Variants in CDC42BPA observed in about 807,000 individuals in gnomAD.
CDC42BPA encodes the protein serine/threonine-protein kinase MRCK alpha.
CDC42BPA carries 80 observed loss-of-function variants against 223.5 expected under a neutral mutation model. The observed-to-expected ratio is 0.36, with a 90% CI of 0.30 to 0.43. The LOEUF (loss-of-function observed/expected upper bound fraction) is 0.43. Ranked by LOEUF, CDC42BPA falls within the 20% of genes least tolerant of loss-of-function variation. CDC42BPA has a pLI of 1.00. For synonymous variants in CDC42BPA, 694 were observed against 718.6 expected (o/e 0.97, Z 0.55); for missense variants, 1,743 against 2,099.9 (o/e 0.83, Z 3.32).
At chr1:227,087,934 G>A (rs905282528) in intron 16 of CDC42BPA, among the ~76,000 whole-genome samples, 1 of 151,844 alleles carries the variant, frequency 6.6e-6, no homozygotes, top group Non-Finnish European at 1.5e-5. Context: ...ATTTTTTATA[G>A]CCCTTCCACA....
chr1:227,289,728 G>A (rs1462200440), intron 1 of CDC42BPA, among the ~76,000 whole-genome samples: 1 of 151,936 alleles, frequency 6.6e-6, no homozygotes, highest in Admixed American at 6.6e-5. Context: ...ACTGTATCAT[G>A]GCAAAAAACA....
rs537047381 is a variant in CDC42BPA, at chr1:227,133,264, C to A, written c.1391-4033G>T. Among the ~76,000 whole-genome samples the A allele has an allele frequency of 3.3e-5, 5 of 151,444 alleles. 1 individual carries two copies. In the South Asian group the frequency reaches 1.0e-3, roughly 32 times the overall value. On this transcript the variant is annotated intron_variant, in intron 10 of 36. Transcript: ENST00000366766. ...GCTGCCCCGTCTGGGAGGTGAGGGGCGCCTCTGCCCGGCCGCCCCTACTGG... is the reference window on the plus strand; with the variant it reads ...GCTGCCCCGTCTGGGAGGTGAGGGGAGCCTCTGCCCGGCCGCCCCTACTGG...
chr1:227,252,566 G>A (rs2813981), intron 2 of CDC42BPA, among the ~76,000 whole-genome samples: 23,988 of 152,022 alleles, frequency 0.16, 2,176 homozygotes, highest in East Asian at 0.37. Context: ...ACCAAAATCT[G>A]ATCAGAACAT....
At chr1:227,099,264 T>C (rs1684561664) in intron 15 of CDC42BPA, among the ~76,000 whole-genome samples, 1 of 151,978 alleles carries the variant, frequency 6.6e-6, no homozygotes. Context: ...AAGTTAACTG[T>C]AAAACAACCT....
At chr1:227,300,204 T>G (rs79087156) in intron 1 of CDC42BPA, among the ~76,000 whole-genome samples, 2 of 152,208 alleles carry the variant, frequency 1.3e-5, no homozygotes, top group Non-Finnish European at 2.9e-5. Context: ...CGAACACTTA[T>G]AGACTGCTAC....
intron 1 of CDC42BPA, among the ~76,000 whole-genome samples, chr1:227,287,636 GC>G (rs1689020366): frequency 6.6e-6 from 1 of 152,004 alleles, no homozygotes; most frequent in Non-Finnish European, 1.5e-5. Flanking sequence ...TATGTGCTAG[GC>G]AGAGGCTAGG....
At chr1:227,151,875 T>G (rs572425055) in intron 6 of CDC42BPA, among the ~76,000 whole-genome samples, 10 of 91,408 alleles carry the variant, frequency 1.1e-4, no homozygotes, top group African/African-American at 4.0e-4. Context: ...CATAACCCAG[T>G]CTCTACAAAA....
intron 1 of CDC42BPA, among the ~76,000 whole-genome samples, chr1:227,280,345 G>C (rs1687809686): frequency 6.6e-6 from 1 of 151,888 alleles, no homozygotes; most frequent in African/African-American, 2.4e-5. Context: ...TTCTCAAACA[G>C]TCCCTTTTGT....
chr1:227,094,715 G>GTTTA (rs1222796494), intron 15 of CDC42BPA, among the ~76,000 whole-genome samples: 1 of 152,196 alleles, frequency 6.6e-6, no homozygotes. Flanking sequence ...AGGATTTGTG[G>GTTTA]TTTAATGTGT....
intron 12 of CDC42BPA, among the ~76,000 whole-genome samples, chr1:227,114,750 TC>T (rs1408795502): frequency 6.6e-6 from 1 of 152,136 alleles, no homozygotes; most frequent in Admixed American, 6.6e-5. Context: ...CTGGAGCATT[TC>T]AGATTTTGGA....
chr1:227,205,291 T>A (rs1302267754), intron 3 of CDC42BPA, among the ~76,000 whole-genome samples: 12,228 of 106,528 alleles, frequency 0.11, 786 homozygotes, highest in South Asian at 0.18. Flanking sequence ...AAAATATATA[T>A]ATATATATAT....
At chr1:227,081,616 C>A (rs1033693761) in intron 16 of CDC42BPA, among the ~76,000 whole-genome samples, 3 of 151,928 alleles carry the variant, frequency 2.0e-5, no homozygotes. Flanking sequence ...TCACGCCCGG[C>A]TAATTTTTTG....
At chr1:227,172,513 C>T (rs1572129429) in intron 5 of CDC42BPA, among the ~76,000 whole-genome samples, 1 of 152,014 alleles carries the variant, frequency 6.6e-6, no homozygotes, top group East Asian at 1.9e-4. Context: ...CTATGAAATT[C>T]AAATTATGTG....
At position 226,996,156 on chromosome 1, in the gene CDC42BPA, C is replaced by G. The variant is rs150918826; in HGVS notation, c.4976-1176G>C. 2.8e-3 allele frequency among the ~76,000 whole-genome samples: 427 copies of G among 152,288 alleles called. 3 individuals carry two copies. The highest frequency in any genetic ancestry group is 9.8e-3 in the African/African-American group (409 of 41,558). On this transcript the variant is annotated intron_variant, in intron 35 of 36. Transcript: ENST00000366766. ...AGTCACAGGCTCGCTGGCATTTCCT[C>G]GACACTGGAACTGACTGACTGCAGA...
chr1:227,160,721 C>A, intron 5 of CDC42BPA, 85 bp from the exon 6 acceptor site: 2 of 739,998 alleles, frequency 2.7e-6, no homozygotes, highest in South Asian at 1.9e-5. Context: ...AGAAAAAAAT[C>A]TCAACTTATT....
chr1:227,039,376 T>A (rs1670918565), intron 24 of CDC42BPA, among the ~76,000 whole-genome samples: 1 of 152,184 alleles, frequency 6.6e-6, no homozygotes, highest in South Asian at 2.1e-4. Flanking sequence ...TCCACAAGCT[T>A]TTTGAAGTCC....
At chr1:227,161,677 A>G (rs1205472917) in intron 5 of CDC42BPA, among the ~76,000 whole-genome samples, 1 of 152,220 alleles carries the variant, frequency 6.6e-6, no homozygotes, top group Non-Finnish European at 1.5e-5. Flanking sequence ...TTTTGTAAAT[A>G]AAGTTTTATT....
intron 21 of CDC42BPA, among the ~76,000 whole-genome samples, chr1:227,058,839 T>C (rs915514675): frequency 4.6e-5 from 7 of 151,584 alleles, no homozygotes; most frequent in African/African-American, 1.5e-4. Flanking sequence ...TCCTCAGATC[T>C]AGATAATTAG....
At chr1:227,055,516 G>A (rs571485850) in intron 21 of CDC42BPA, among the ~76,000 whole-genome samples, 1 of 151,998 alleles carries the variant, frequency 6.6e-6, no homozygotes, top group Admixed American at 6.5e-5. Flanking sequence ...TTATGAATTG[G>A]CAATGACTCT....
Sources: allele counts gnomAD v4.1 joint callset (sites outside exome capture counted in the v4.1 genomes callset), GRCh38; gene constraint gnomAD v4.1.1; transcripts MANE v1.5; gene names NCBI Gene and HGNC (gene_info 2026-07-23, HGNC 2026-07-21).